Variants in ACOXL observed in about 807,000 individuals in gnomAD.
The protein encoded by ACOXL is acyl-CoA oxidase like, also known as acyl-coenzyme A oxidase-like protein.
In ACOXL, 70 loss-of-function variants were observed where a neutral mutation model predicts 71.9. That is an observed-to-expected ratio of 0.97 (90% confidence interval 0.80 to 1.19). ACOXL has a LOEUF of 1.19. Ranked by LOEUF, ACOXL falls within the 50% of genes most tolerant of loss-of-function variation. ACOXL has a pLI of 0.00. For synonymous variants in ACOXL, 253 were observed against 281.6 expected (o/e 0.90, Z 1.02); for missense variants, 703 against 736.3 (o/e 0.95, Z 0.52).
chr2:110,793,523 C>T (rs1258237795), intron 3 of ACOXL, 127 bp from the exon 4 acceptor site: 7 of 811,058 alleles, frequency 8.6e-6, no homozygotes, highest in Non-Finnish European at 1.5e-5. Context: ...AAGCATGCCA[C>T]TTGCAGGGCT....
intron 10 of ACOXL, among the ~76,000 whole-genome samples, chr2:110,874,726 G>A (rs190898215): frequency 1.1e-4 from 16 of 152,316 alleles, no homozygotes; most frequent in African/African-American, 3.4e-4. Context: ...AGAGCTCACG[G>A]TGGAGGCCGT....
At chr2:111,079,062 G>T (rs747851411) in intron 16 of ACOXL, among the ~76,000 whole-genome samples, 11 of 152,122 alleles carry the variant, frequency 7.2e-5, no homozygotes, top group Non-Finnish European at 1.3e-4. Context: ...TTTAAAAGCT[G>T]TACATGTATT....
At chr2:111,003,390 A>T (rs865956185) in intron 14 of ACOXL, among the ~76,000 whole-genome samples, 11 of 151,712 alleles carry the variant, frequency 7.3e-5, no homozygotes, top group Middle Eastern at 3.4e-3. Context: ...TCTACTAAAG[A>T]TTAAAAAAAA....
chr2:110,925,874 T>A (rs1032046796), intron 11 of ACOXL, among the ~76,000 whole-genome samples: 2 of 149,422 alleles, frequency 1.3e-5, no homozygotes, highest in African/African-American at 5.0e-5. Context: ...TTTTTTTTTT[T>A]AAAGCATTTC....
intron 11 of ACOXL, among the ~76,000 whole-genome samples, chr2:110,928,954 A>G (rs903153385): frequency 7.2e-5 from 11 of 152,250 alleles, no homozygotes; most frequent in African/African-American, 2.7e-4. Context: ...GCCACACGGA[A>G]TTGTGAGTCC....
At chr2:110,915,634 G>A (rs2059832039) in intron 11 of ACOXL, among the ~76,000 whole-genome samples, 1 of 151,304 alleles carries the variant, frequency 6.6e-6, no homozygotes, top group South Asian at 2.1e-4. Context: ...CACCATGCTG[G>A]CCAGGCTGGT....
At chr2:111,045,568 T>G (rs973745634) in intron 15 of ACOXL, among the ~76,000 whole-genome samples, 4 of 152,196 alleles carry the variant, frequency 2.6e-5, no homozygotes, top group African/African-American at 9.7e-5. Flanking sequence ...CCTGCAGAAC[T>G]GTGTCAATTA....
At chr2:110,908,018 T>C (rs756130181) in intron 10 of ACOXL, among the ~76,000 whole-genome samples, 1 of 152,168 alleles carries the variant, frequency 6.6e-6, no homozygotes, top group Non-Finnish European at 1.5e-5. Context: ...CTCAGAGCTG[T>C]TCAAAGACAG....
At chr2:111,049,181 G>C in intron 15 of ACOXL, 37 bp from the exon 16 acceptor site, 1 of 1,511,816 alleles carries the variant, frequency 6.6e-7, no homozygotes, top group Non-Finnish European at 9.2e-7. Context: ...TGAGGCGGAA[G>C]TGAAGTCATT....
At chr2:110,752,340 G>T (rs951523884) in intron 1 of ACOXL, among the ~76,000 whole-genome samples, 2 of 151,994 alleles carry the variant, frequency 1.3e-5, no homozygotes, top group Non-Finnish European at 2.9e-5. Flanking sequence ...CAAAAAATAC[G>T]TTGGGCATGT....
intron 2 of ACOXL, among the ~76,000 whole-genome samples, chr2:110,781,021 C>G (rs1165137908): frequency 1.3e-5 from 2 of 152,136 alleles, no homozygotes; most frequent in Non-Finnish European, 2.9e-5. Flanking sequence ...TGAAGCAAGA[C>G]TCCATCTTTA....
chr2:110,966,291 G>A (rs1236626508), intron 12 of ACOXL, among the ~76,000 whole-genome samples: 2 of 152,186 alleles, frequency 1.3e-5, no homozygotes, highest in Non-Finnish European at 2.9e-5. Context: ...AACCAATGAA[G>A]TGGCTTAAGG....
chr2:110,803,678 C>A (rs113341220), intron 8 of ACOXL, among the ~76,000 whole-genome samples: 1 of 152,050 alleles, frequency 6.6e-6, no homozygotes, highest in African/African-American at 2.4e-5. Context: ...TGGACTTCAT[C>A]GAAGTTATAA....
intron 16 of ACOXL, among the ~76,000 whole-genome samples, chr2:111,067,234 T>C (rs1400247495): frequency 6.6e-6 from 1 of 152,136 alleles, no homozygotes; most frequent in Admixed American, 6.5e-5. Context: ...AATTTGGCAG[T>C]CTTTTAAAAC....
chr2:110,839,649 G>C (rs1690892985), intron 9 of ACOXL, among the ~76,000 whole-genome samples: 2 of 152,124 alleles, frequency 1.3e-5, no homozygotes, highest in African/African-American at 4.8e-5. Flanking sequence ...TGCCTGCAGT[G>C]GTATGCATGG....
intron 12 of ACOXL, among the ~76,000 whole-genome samples, chr2:110,952,029 T>C (rs1220043651): frequency 6.6e-6 from 1 of 152,196 alleles, no homozygotes; most frequent in Non-Finnish European, 1.5e-5. Flanking sequence ...ATTTTTCTGT[T>C]CTCTGGAAGA....
At chr2:110,818,111 T>A (rs1334785525) in intron 9 of ACOXL, among the ~76,000 whole-genome samples, 1 of 152,004 alleles carries the variant, frequency 6.6e-6, no homozygotes, top group African/African-American at 2.4e-5. Flanking sequence ...AAAAGTATAC[T>A]TGGCCGGGTG....
chr2:110,802,110 C>T (rs1686078566), intron 8 of ACOXL, among the ~76,000 whole-genome samples: 1 of 152,170 alleles, frequency 6.6e-6, no homozygotes, highest in Non-Finnish European at 1.5e-5. Flanking sequence ...ATGCTAAGCA[C>T]ACACATGCAT....
chr2:110,954,728 C>A (rs189085891), intron 12 of ACOXL, among the ~76,000 whole-genome samples: 2 of 152,298 alleles, frequency 1.3e-5, no homozygotes, highest in East Asian at 3.9e-4. Context: ...AGAGTTACCA[C>A]CTTTTACCAA....
Sources: gnomAD v4.1 joint callset for allele counts (sites outside exome capture counted in the v4.1 genomes callset) on GRCh38, gnomAD v4.1.1 for gene constraint, MANE v1.5 for transcripts, NCBI Gene and HGNC (gene_info 2026-07-23, HGNC 2026-07-21) for gene names.